Variants in EEF2KMT observed in about 807,000 individuals in gnomAD.
EEF2KMT encodes the protein protein-lysine N-methyltransferase EEF2KMT.
A neutral mutation model predicts 35.1 loss-of-function variants in EEF2KMT; 30 were observed. That is an observed-to-expected ratio of 0.85 (90% CI 0.64 to 1.16). EEF2KMT has a LOEUF of 1.16. EEF2KMT is among the 50% of genes most tolerant of loss of function. The pLI is 0.00. For missense variants in EEF2KMT, 499 were observed against 438.2 expected, an observed-to-expected ratio of 1.14 and a Z score of -1.24; for synonymous variants, 190 against 187.7, an observed-to-expected ratio of 1.01 and a Z score of -0.10.
In EEF2KMT at chr16:5,089,236, C is replaced by A. The variant is rs759597728; in HGVS notation, c.763G>T (p.Ala255Ser). The change falls in exon 7 of 8, where the codon GCC becomes TCC. Residue 255 changes from alanine to serine, a missense_variant. Ala to Ser is a moderately conservative substitution (Grantham distance 99). Coordinates refer to ENST00000427587, the MANE Select transcript of EEF2KMT (RefSeq NM_201400.4). ...IAADVLYCPE[A>S]IMSLVGVLRR... Reference sequence around the variant, plus strand: ...AGGACCCCGACCAGCGACATGATGGCTTCTGGGCAATACAGCACATCTATG... The same window carrying A: ...AGGACCCCGACCAGCGACATGATGGATTCTGGGCAATACAGCACATCTATG... 1.2e-6 allele frequency: 2 copies of A among 1,606,044 alleles called. No individual in the cohort carries two copies. Among genetic ancestry groups the A allele is most frequent in the Non-Finnish European group, 8.5e-7 (1 of 1,179,818 alleles).
chr16:5,088,988 A>G (rs545161654), intron 7 of EEF2KMT, 119 bp downstream of exon 7: 3 of 1,586,614 alleles, frequency 1.9e-6, no homozygotes, highest in African/African-American at 1.3e-5. Flanking sequence ...AGTTCCCCCC[A>G]TGGTGTGGGA....
At chr16:5,091,175 G>T (rs1306187912) in intron 4 of EEF2KMT, among the ~76,000 whole-genome samples, 1 of 152,118 alleles carries the variant, frequency 6.6e-6, no homozygotes, top group African/African-American at 2.4e-5. Flanking sequence ...TCCACCTCCT[G>T]GGTTGAAGAG....
chr16:5,093,701 C>T (rs1957393947), intron 2 of EEF2KMT, 137 bp from the exon 3 acceptor site: 3 of 1,498,770 alleles, frequency 2.0e-6, no homozygotes, highest in Non-Finnish European at 1.8e-6. Flanking sequence ...AGCGTTTTGG[C>T]CCCATGCATC....
At chr16:5,092,672 T>C (rs1286956198) in intron 3 of EEF2KMT, among the ~76,000 whole-genome samples, 1 of 152,218 alleles carries the variant, frequency 6.6e-6, no homozygotes, top group African/African-American at 2.4e-5. Flanking sequence ...ATCTTTAAAA[T>C]CCATCCTAGG....
Position 5,090,509 on chromosome 16 carries a change from G to C in EEF2KMT, c.399C>G (p.Thr133=), listed in dbSNP as rs748579079. Residue 133 remains threonine (T), a synonymous_variant, in exon 5 of 8, where the codon ACC becomes ACG. Coordinates refer to ENST00000427587, the MANE Select transcript of EEF2KMT (RefSeq NM_201400.4). This position sits in a 1 kb window ranked among gnomAD's most constrained non-coding sequence, Gnocchi z 4.1. ...SESTAIISYG[T]TGLVTWDAAL... The stretch of plus-strand genomic sequence containing the variant: ...CGGCGTCCCATGTGACCAGGCCTGT[G>C]GTACCGTAGGAGATGATGGCCGTGC... The C allele has an allele frequency of 6.2e-7, 1 of 1,611,912 alleles. No homozygotes were observed. The highest frequency in any genetic ancestry group is 1.7e-5 in the Admixed American group (1 of 59,994).
At chr16:5,089,284 A>C in intron 6 of EEF2KMT, 28 bp from the exon 7 acceptor site, 1 of 1,600,028 alleles carries the variant, frequency 6.2e-7, no homozygotes, top group East Asian at 2.2e-5. Context: ...GGTTACTGAA[A>C]GGGACCAGTG....
At chr16:5,092,473 T>C (rs569989883) in intron 3 of EEF2KMT, among the ~76,000 whole-genome samples, 10 of 152,330 alleles carry the variant, frequency 6.6e-5, no homozygotes, top group Admixed American at 2.0e-4. Context: ...CCTCTCCTGG[T>C]GGCACAGGGC....
At chr16:5,095,752 G>A (rs9673486) in intron 1 of EEF2KMT, among the ~76,000 whole-genome samples, 127,248 of 147,798 alleles carry the variant, frequency 0.86, 54,845 homozygotes, top group Middle Eastern at 0.91. Flanking sequence ...GCGGCCACCC[G>A]GGTCATGGGC....
chr16:5,089,396 G>A (rs1957292913), intron 6 of EEF2KMT, 140 bp from the exon 7 acceptor site: 2 of 1,179,196 alleles, frequency 1.7e-6, no homozygotes, highest in Non-Finnish European at 2.4e-6. Flanking sequence ...GCCATTAGAT[G>A]GAAAGGCAAT....
chr16:5,093,570 G>A lies in EEF2KMT; in HGVS notation c.160-6C>T. On this transcript the variant is annotated splice_polypyrimidine_tract_variant and splice_region_variant and intron_variant, in intron 2 of 7. Transcript: ENST00000427587. Reference sequence around the variant, plus strand: ...CACACAGGATGCTTCACAGTCTACGGCAAAGGACAGAACGTTGGTTGCTCG... The same window carrying A: ...CACACAGGATGCTTCACAGTCTACGACAAAGGACAGAACGTTGGTTGCTCG... 1.2e-6 allele frequency: 2 copies of A among 1,611,986 alleles called. No homozygotes were observed. The highest frequency in any genetic ancestry group is 1.7e-6 in the Non-Finnish European group (2 of 1,179,824).
rs1301708870 is a variant in EEF2KMT at position 5,090,587 on chromosome 16, G to C, written c.343-22C>G. 3 of 1,611,950 alleles carry C rather than the reference G, an allele frequency of 1.9e-6. No individual in the cohort carries two copies. Among genetic ancestry groups the C allele is most frequent in the Non-Finnish European group, 8.5e-7 (1 of 1,179,826 alleles). Reference sequence around the variant, plus strand: ...AGGGCTGCACCAAGAGAAGGCGAGAGAGTCAGTCCAGCGATCAGAAGGCAA... The same window carrying C: ...AGGGCTGCACCAAGAGAAGGCGAGACAGTCAGTCCAGCGATCAGAAGGCAA... On this transcript the variant is annotated intron_variant, in intron 4 of 7. Coordinates refer to ENST00000427587, the MANE Select transcript of EEF2KMT (RefSeq NM_201400.4). This position sits in a 1 kb window ranked among gnomAD's most constrained non-coding sequence, Gnocchi z 4.1.
rs1171234179 is a variant in EEF2KMT at position 5,091,455 on chromosome 16, T to A, written c.342+339A>T. ...TTGGTCTCGAACTCCTGACCTCAGA[T>A]GCAACCACTTCGGCCTCCCAAAGCG... On this transcript the variant is annotated intron_variant, in intron 4 of 7. Coordinates refer to ENST00000427587, the MANE Select transcript of EEF2KMT (RefSeq NM_201400.4). Among the ~76,000 whole-genome samples the A allele has an allele frequency of 3.9e-5, 6 of 152,196 alleles. No individual in the cohort carries two copies. The East Asian group carries it at 1.2e-3, about 29-fold the overall frequency.
chr16:5,089,105 A>C lies in EEF2KMT; in HGVS notation c.892+2T>G, dbSNP rs765702117. On this transcript the variant is annotated splice_donor_variant, in intron 7 of 7. Coordinates refer to ENST00000427587, the MANE Select transcript of EEF2KMT (RefSeq NM_201400.4). LOFTEE classifies it high-confidence loss of function. ...CAGGCCCGGGTGGGCGTGGAGGCTC[A>C]CCTAGCTCGGTGGTGAACAGCTGGC... 3 of 1,612,230 alleles carry C rather than the reference A, an allele frequency of 1.9e-6. No individual in the cohort carries two copies. The East Asian group carries it at 6.7e-5, about 36-fold the overall frequency.
intron 7 of EEF2KMT, chr16:5,086,989 C>T (rs1473143584): frequency 1.3e-5 from 2 of 152,164 alleles, no homozygotes; most frequent in Non-Finnish European, 2.9e-5. Flanking sequence ...GGACGATTTT[C>T]AATCACAGTT....
intron 2 of EEF2KMT, 65 bp from the exon 3 acceptor site, chr16:5,093,629 C>T (rs1957391582): frequency 6.2e-7 from 1 of 1,607,896 alleles, no homozygotes; most frequent in South Asian, 1.1e-5. Flanking sequence ...GAGCTTCAAG[C>T]CAACACAGCA....
chr16:5,097,211 C>G (rs1336995700), intron 1 of EEF2KMT: 2 of 1,065,142 alleles, frequency 1.9e-6, no homozygotes, highest in Non-Finnish European at 2.5e-6. Context: ...GCTCAACATA[C>G]AGATGAGAAT....
intron 7 of EEF2KMT, among the ~76,000 whole-genome samples, chr16:5,086,182 G>A (rs1022626268): frequency 6.6e-6 from 1 of 152,058 alleles, no homozygotes; most frequent in South Asian, 2.1e-4. Context: ...CAAAAATACA[G>A]AAATTAGCCA....
chr16:5,086,768 G>A (rs1221736765), intron 7 of EEF2KMT: 2 of 152,252 alleles, frequency 1.3e-5, no homozygotes, highest in African/African-American at 4.8e-5. Context: ...CCAGGTTCAA[G>A]TGATTCTCCT....
chr16:5,095,519 G>A lies in EEF2KMT; in HGVS notation c.97-5C>T, dbSNP rs770351554. ...TCTTAACTTTGCTTCTAAGCTCTGT[G>A]TGGAGGGGAAAGAGAGAAATCTCAA... On this transcript the variant is annotated splice_polypyrimidine_tract_variant and splice_region_variant and intron_variant, in intron 1 of 7. Transcript: ENST00000427587. 29 of 1,611,418 alleles carry A rather than the reference G, an allele frequency of 1.8e-5. No homozygotes were observed. The Admixed American group carries it at 4.0e-4, about 22-fold the overall frequency.
Sources: allele counts gnomAD v4.1 joint callset (sites outside exome capture counted in the v4.1 genomes callset), GRCh38; gene constraint gnomAD v4.1.1; non-coding constraint Gnocchi (gnomAD v3.1); transcripts MANE v1.5; gene names NCBI Gene and HGNC (gene_info 2026-07-23, HGNC 2026-07-21).